The following AGAP1 variants were observed in gnomAD, a reference collection of about 807,000 sequenced individuals.
AGAP1 encodes the protein ArfGAP with GTPase domain, ankyrin repeat and PH domain 1.
In AGAP1, 29 loss-of-function variants were observed where a neutral mutation model predicts 105.3. The ratio of observed to expected loss-of-function variants is 0.28; its 90% confidence interval spans 0.21 to 0.38. AGAP1 has a LOEUF of 0.38. AGAP1 is among the 10% of genes least tolerant of loss of function. The pLI is 1.00. For missense variants in AGAP1, 998 were observed against 1,165.1 expected, an observed-to-expected ratio of 0.86 and a Z score of 2.09; for synonymous variants, 509 against 485.9, an observed-to-expected ratio of 1.05 and a Z score of -0.63.
intron 11 of AGAP1, among the ~76,000 whole-genome samples, chr2:235,909,438 T>C (rs2051467695): frequency 6.6e-6 from 1 of 152,230 alleles, no homozygotes; most frequent in African/African-American, 2.4e-5. Context: ...GAAAGCTGTA[T>C]TTTCTCAAAT....
At chr2:235,618,739 A>G (rs1329673553) in intron 1 of AGAP1, among the ~76,000 whole-genome samples, 1 of 152,198 alleles carries the variant, frequency 6.6e-6, no homozygotes, top group East Asian at 1.9e-4. Flanking sequence ...TTAACCCTCA[A>G]AACAAAAGCA....
chr2:235,508,508 G>T (rs1941933228), intron 1 of AGAP1, among the ~76,000 whole-genome samples: 1 of 152,300 alleles, frequency 6.6e-6, no homozygotes, highest in Non-Finnish European at 1.5e-5. Context: ...ACAGCTGTTG[G>T]TTCACTTTTA....
In AGAP1 at chr2:235,615,457, C is replaced by T. The variant is rs1946278464; in HGVS notation, c.164-93722C>T. On this transcript the variant is annotated intron_variant, in intron 1 of 17. Transcript: ENST00000304032. The surrounding 1 kb of genome is among the most constrained non-coding windows in gnomAD (Gnocchi z 5.0). ...TTTTTTTCAAAGCATTATCTCTCTACTGTTTGTAGGCAGAGAATTTATTAA... is the reference window on the plus strand; with the variant it reads ...TTTTTTTCAAAGCATTATCTCTCTATTGTTTGTAGGCAGAGAATTTATTAA... Among the ~76,000 whole-genome samples the T allele has an allele frequency of 6.6e-6, 1 of 152,192 alleles. No individual in the cohort carries two copies. Among genetic ancestry groups the T allele is most frequent in the Non-Finnish European group, 1.5e-5 (1 of 68,042 alleles).
intron 14 of AGAP1, among the ~76,000 whole-genome samples, chr2:236,039,101 T>G (rs1551251): frequency 0.26 from 39,692 of 152,002 alleles, 6,518 homozygotes; most frequent in African/African-American, 0.46. Context: ...TTGATCAATT[T>G]TTGCTTTAAC....
rs562379887 is a variant in AGAP1 at position 235,943,362 on chromosome 2, ATTTTTTT to A, written c.1483+12452_1483+12458del. Among the ~76,000 whole-genome samples, 47 of 127,084 alleles carry A rather than the reference ATTTTTTT, an allele frequency of 3.7e-4. No homozygotes were observed. In the South Asian group the frequency reaches 6.8e-3, roughly 18 times the overall value. 83.4% of individuals were successfully genotyped at this position (127,084 alleles called of 152,430 possible). A position where few individuals can be genotyped will look rare whatever the true frequency, so the allele number is the denominator to read the frequency against. On this transcript the variant is annotated intron_variant, in intron 12 of 17. Coordinates refer to ENST00000304032, the MANE Select transcript of AGAP1 (RefSeq NM_001037131.3). ...AAAAGGCAAAGACCTAAAGGACTTA[ATTTTTTT>A]TTTTTTTTTTTTGACACAGAGTTTC... is the stretch of plus-strand genomic sequence containing the variant.
intron 16 of AGAP1, among the ~76,000 whole-genome samples, chr2:236,118,155 C>T (rs114497353): frequency 6.6e-6 from 1 of 152,084 alleles, no homozygotes; most frequent in African/African-American, 2.4e-5. Context: ...GTAAACAAGG[C>T]CTTTCCTCTG....
intron 8 of AGAP1, among the ~76,000 whole-genome samples, chr2:235,802,802 G>GTGATGGTGA (rs879677689): frequency 0.033 from 2,162 of 64,984 alleles, 45 homozygotes; most frequent in African/African-American, 0.18. Context: ...GATGATGGTT[G>GTGATGGTGA]TGGTGGTGGT....
chr2:235,770,217 C>T (rs1955324633), intron 6 of AGAP1, among the ~76,000 whole-genome samples: 1 of 151,036 alleles, frequency 6.6e-6, no homozygotes, highest in Non-Finnish European at 1.5e-5. Flanking sequence ...AAGCTCCGCT[C>T]CCCGGGTTCA....
In AGAP1 at chr2:235,720,411, G is replaced by A. The variant is rs958661212; in HGVS notation, c.310+2767G>A. Among the ~76,000 whole-genome samples, 2 of 152,122 alleles carry A rather than the reference G, an allele frequency of 1.3e-5. No individual in the cohort carries two copies. The highest frequency in any genetic ancestry group is 2.9e-5 in the Non-Finnish European group (2 of 68,018). ...AGTGCTGGAGGCTGACAAAGCTGAT[G>A]ATGGCCCAGCCTCACCTGTGGTTAC... On this transcript the variant is annotated intron_variant, in intron 3 of 17. Coordinates refer to ENST00000304032, the MANE Select transcript of AGAP1 (RefSeq NM_001037131.3). This position sits in a 1 kb window ranked among gnomAD's most constrained non-coding sequence, Gnocchi z 5.0.
intron 1 of AGAP1, among the ~76,000 whole-genome samples, chr2:235,563,236 C>T (rs985870376): frequency 2.6e-5 from 4 of 152,192 alleles, no homozygotes; most frequent in African/African-American, 9.7e-5. Flanking sequence ...CCCCCCTGCC[C>T]TGGCCCACTC....
intron 10 of AGAP1, among the ~76,000 whole-genome samples, chr2:235,896,056 G>A (rs1363383019): frequency 1.3e-5 from 2 of 152,166 alleles, no homozygotes; most frequent in African/African-American, 4.8e-5. Context: ...TCAACCTCCA[G>A]AACTTTTTCA....
intron 13 of AGAP1, among the ~76,000 whole-genome samples, chr2:236,013,115 A>G (rs566354938): frequency 2.0e-5 from 3 of 152,338 alleles, no homozygotes; most frequent in African/African-American, 7.2e-5. Context: ...ACTTTAAATC[A>G]AGAAGCAACT....
rs1031639682 is a variant in AGAP1, at chr2:236,080,548, T to C, written c.2114+31267T>C. Among the ~76,000 whole-genome samples, 11 of 152,230 alleles carry C rather than the reference T, an allele frequency of 7.2e-5. No individual in the cohort carries two copies. The highest frequency in any genetic ancestry group is 1.6e-4 in the Non-Finnish European group (11 of 68,032). On this transcript the variant is annotated intron_variant, in intron 16 of 17. Transcript: ENST00000304032. This position sits in a 1 kb window ranked among gnomAD's most constrained non-coding sequence, Gnocchi z 4.2. ...CCAAGGGCAGCCACCTGCTGTATCT[T>C]GTACACGTTTCATCCATCCAGCTTT...
chr2:235,589,315 C>T (rs1945253522), intron 1 of AGAP1, among the ~76,000 whole-genome samples: 1 of 141,720 alleles, frequency 7.1e-6, no homozygotes, highest in South Asian at 2.4e-4. Context: ...AAGTGATTCT[C>T]CTGCCTCAGC....
chr2:235,998,243 A>C (rs1029648565), intron 13 of AGAP1, among the ~76,000 whole-genome samples: 14 of 152,296 alleles, frequency 9.2e-5, no homozygotes, highest in African/African-American at 3.1e-4. Flanking sequence ...CTCTTTTTCT[A>C]ATTTTATTGC....
chr2:235,781,882 G>A (rs1465183842), intron 6 of AGAP1, among the ~76,000 whole-genome samples: 2 of 152,134 alleles, frequency 1.3e-5, no homozygotes, highest in Non-Finnish European at 1.5e-5. Flanking sequence ...TGTATACGGA[G>A]TTTCCGCATT....
rs2058192409 is a variant in AGAP1 at position 236,061,446 on chromosome 2, A to G, written c.2114+12165A>G. ...TCATAATAGCCAAAAAGTGAAAGTAACCCAGGTGTCCCTCTGTGGATGAAT... is the reference window on the plus strand; with the variant it reads ...TCATAATAGCCAAAAAGTGAAAGTAGCCCAGGTGTCCCTCTGTGGATGAAT... On this transcript the variant is annotated intron_variant, in intron 16 of 17. Coordinates refer to ENST00000304032, the MANE Select transcript of AGAP1 (RefSeq NM_001037131.3). This position sits in a 1 kb window ranked among gnomAD's most constrained non-coding sequence, Gnocchi z 4.1. Among the ~76,000 whole-genome samples, 1 of 152,198 alleles carries G rather than the reference A, an allele frequency of 6.6e-6. No individual in the cohort carries two copies. Among genetic ancestry groups the G allele is most frequent in the Non-Finnish European group, 1.5e-5 (1 of 68,034 alleles).
chr2:235,837,999 A>G (rs1281743669), intron 9 of AGAP1, among the ~76,000 whole-genome samples: 2 of 152,194 alleles, frequency 1.3e-5, no homozygotes, highest in Non-Finnish European at 2.9e-5. Context: ...CCTGGCCACC[A>G]TGGTGAAACC....
Position 236,124,358 on chromosome 2 carries a change from A to C in AGAP1, c.*236A>C. The C allele has an allele frequency of 2.2e-5, 12 of 557,518 alleles. No homozygotes were observed. Among genetic ancestry groups the C allele is most frequent in the Middle Eastern group, 5.0e-4 (1 of 2,008 alleles). 34.5% of individuals were successfully genotyped at this position (557,518 alleles called of 1,614,324 possible). A position where few individuals can be genotyped will look rare whatever the true frequency, so the allele number is the denominator to read the frequency against. Reference sequence around the variant, plus strand: ...GGCTCCTTTTCATAAACTCCCCTAAACCACACACAGGAGAGAGCGACGGGC... The same window carrying C: ...GGCTCCTTTTCATAAACTCCCCTAACCCACACACAGGAGAGAGCGACGGGC... On this transcript the variant is annotated 3_prime_UTR_variant, in exon 18 of 18. Coordinates refer to ENST00000304032, the MANE Select transcript of AGAP1 (RefSeq NM_001037131.3). The surrounding 1 kb of genome is among the most constrained non-coding windows in gnomAD (Gnocchi z 5.1).
Sources: allele counts gnomAD v4.1 joint callset (sites outside exome capture counted in the v4.1 genomes callset), GRCh38; gene constraint gnomAD v4.1.1; non-coding constraint Gnocchi (gnomAD v3.1); transcripts MANE v1.5; gene names NCBI Gene and HGNC (gene_info 2026-07-23, HGNC 2026-07-21).